Variants in KIF5C observed in about 807,000 individuals in gnomAD.
KIF5C encodes kinesin family member 5C, also known as kinesin heavy chain isoform 5C.
In KIF5C, 18 loss-of-function variants were observed where a neutral mutation model predicts 125.2. The observed-to-expected ratio is 0.14, with a 90% CI of 0.10 to 0.21. The LOEUF is 0.21. Ranked by LOEUF, KIF5C falls within the 10% of genes least tolerant of loss-of-function variation. The probability of loss-of-function intolerance (pLI) is 1.00; values close to 1 mark genes in which losing one functional copy is unlikely to be tolerated. For missense variants in KIF5C, 780 were observed against 1,183.8 expected, an observed-to-expected ratio of 0.66 and a Z score of 5.01; for synonymous variants, 405 against 434.0, an observed-to-expected ratio of 0.93 and a Z score of 0.83.
chr2:148,968,411 C>G (rs1037378158), intron 11 of KIF5C, among the ~76,000 whole-genome samples: 3 of 152,200 alleles, frequency 2.0e-5, no homozygotes, highest in Non-Finnish European at 4.4e-5. Context: ...ACAATTGGAA[C>G]ACAATTTGCT....
At chr2:148,890,236 G>T (rs1452575492) in intron 1 of KIF5C, among the ~76,000 whole-genome samples, 1 of 151,970 alleles carries the variant, frequency 6.6e-6, no homozygotes, top group South Asian at 2.1e-4. Context: ...AAGGCACAAA[G>T]AAAAAAGGAA....
intron 10 of KIF5C, among the ~76,000 whole-genome samples, chr2:148,956,274 G>A (rs1398185773): frequency 6.6e-6 from 1 of 152,196 alleles, no homozygotes; most frequent in African/African-American, 2.4e-5. Flanking sequence ...ATTCAGTGAT[G>A]GAAGGATTGA....
intron 10 of KIF5C, among the ~76,000 whole-genome samples, chr2:148,952,783 G>T (rs1338778996): frequency 6.6e-6 from 1 of 152,160 alleles, no homozygotes; most frequent in Non-Finnish European, 1.5e-5. Flanking sequence ...CCTAGCACAA[G>T]GGCTGGCATG....
intron 1 of KIF5C, among the ~76,000 whole-genome samples, chr2:148,890,785 G>A (rs1681687526): frequency 6.6e-6 from 1 of 152,170 alleles, no homozygotes; most frequent in South Asian, 2.1e-4. Flanking sequence ...ATGAGGACGG[G>A]TACTGTTGAA....
At chr2:148,942,625 T>C in intron 6 of KIF5C, 48 bp from the exon 7 acceptor site, 4 of 1,569,562 alleles carry the variant, frequency 2.5e-6, no homozygotes, top group Non-Finnish European at 2.6e-6. Context: ...CAAAATATTG[T>C]TGCTTTTCAA....
chr2:148,922,036 C>T (rs560905260), intron 1 of KIF5C, 101 bp from the exon 2 acceptor site: 9 of 690,550 alleles, frequency 1.3e-5, no homozygotes, highest in Non-Finnish European at 2.2e-5. Flanking sequence ...GGGTTGGTGA[C>T]TTAGTGCCTA....
chr2:148,948,375 T>G (rs1357085862), intron 8 of KIF5C, among the ~76,000 whole-genome samples: 2 of 151,460 alleles, frequency 1.3e-5, no homozygotes, highest in African/African-American at 4.8e-5. Context: ...AAAAAAAAAT[T>G]TACTAGTACG....
intron 1 of KIF5C, among the ~76,000 whole-genome samples, chr2:148,909,630 A>C (rs2105065588): frequency 6.6e-6 from 1 of 152,308 alleles, no homozygotes; most frequent in Middle Eastern, 3.4e-3. Context: ...TGTGGGGCAG[A>C]GGGCTGATTA....
chr2:149,012,165 A>G (rs1027439588), intron 25 of KIF5C, among the ~76,000 whole-genome samples: 2 of 152,248 alleles, frequency 1.3e-5, no homozygotes, highest in African/African-American at 4.8e-5. Context: ...GAAGATATCT[A>G]GATGAGTCCA....
intron 3 of KIF5C, among the ~76,000 whole-genome samples, chr2:148,930,425 G>C (rs1487382504): frequency 6.6e-6 from 1 of 152,062 alleles, no homozygotes; most frequent in Admixed American, 6.5e-5. Context: ...AGGAGAGGTG[G>C]TAAGCGTGGT....
At chr2:149,011,803 C>A (rs1574837419) in intron 25 of KIF5C, 120 bp downstream of exon 25, 2 of 1,355,710 alleles carry the variant, frequency 1.5e-6, no homozygotes, top group Non-Finnish European at 1.0e-6. Context: ...CCAGCACACA[C>A]CCTGGGGGTT....
chr2:148,957,592 T>TAAAAAAAAAA (rs201033625), intron 10 of KIF5C, among the ~76,000 whole-genome samples: 2 of 71,806 alleles, frequency 2.8e-5, no homozygotes, highest in African/African-American at 8.2e-5. Flanking sequence ...TTTGTTCTAG[T>TAAAAAAAAAA]AAAAAAAAAA....
At chr2:148,985,560 C>A (rs77203476) in intron 15 of KIF5C, among the ~76,000 whole-genome samples, 2,602 of 152,290 alleles carry the variant, frequency 0.017, 79 homozygotes, top group African/African-American at 0.058. Context: ...ACAAAGGAGT[C>A]ATTGATGAAT....
At chr2:148,982,014 C>T (rs111995872) in intron 14 of KIF5C, among the ~76,000 whole-genome samples, 2 of 152,210 alleles carry the variant, frequency 1.3e-5, no homozygotes, top group Admixed American at 1.3e-4. Context: ...CAGATCTGTG[C>T]ATATGCTACG....
chr2:148,902,165 T>C (rs1403537549), intron 1 of KIF5C, among the ~76,000 whole-genome samples: 1 of 152,182 alleles, frequency 6.6e-6, no homozygotes, highest in Non-Finnish European at 1.5e-5. Context: ...GTGCAGTGAC[T>C]GTGCAACCAG....
In KIF5C at chr2:148,978,433, C is replaced by G. The variant is rs1047061509; in HGVS notation, c.1294-489C>G. ...TGCCAAATCTCCAGTTCATTTTTCT[C>G]TGGTCTGAGAGGTTTGAAGTGGAAA... On this transcript the variant is annotated intron_variant, in intron 12 of 25. Transcript: ENST00000435030. 4.4e-5 allele frequency among the ~76,000 whole-genome samples: 6 copies of G among 136,954 alleles called. No homozygotes were observed. The East Asian group carries it at 9.3e-4, about 21-fold the overall frequency. The allele number at this position is 136,954 out of a possible 152,430, so 89.8% of individuals were successfully genotyped here.
chr2:149,002,418 T>C (rs1681877835), intron 21 of KIF5C, among the ~76,000 whole-genome samples: 1 of 152,098 alleles, frequency 6.6e-6, no homozygotes, highest in Non-Finnish European at 1.5e-5. Context: ...CTGCTCACTC[T>C]CCTGTTCTCA....
intron 1 of KIF5C, among the ~76,000 whole-genome samples, chr2:148,899,148 C>G (rs993870237): frequency 2.0e-5 from 3 of 151,914 alleles, no homozygotes; most frequent in African/African-American, 4.8e-5. Flanking sequence ...TTCAGATTAG[C>G]CTATATAGTT....
At chr2:149,022,880 C>T (rs923073400) in intron 25 of KIF5C, among the ~76,000 whole-genome samples, 198 bp from the exon 26 acceptor site, 5 of 152,236 alleles carry the variant, frequency 3.3e-5, no homozygotes, top group East Asian at 1.9e-4. Flanking sequence ...GTCGATATCG[C>T]GCCACTGCAC....
Sources: gnomAD v4.1 joint callset for allele counts (sites outside exome capture counted in the v4.1 genomes callset) on GRCh38, gnomAD v4.1.1 for gene constraint, MANE v1.5 for transcripts, NCBI Gene and HGNC (gene_info 2026-07-23, HGNC 2026-07-21) for gene names.